PTCH1: variants seen among roughly 807,000 people sequenced by gnomAD.
PTCH1 encodes protein patched homolog 1.
In PTCH1, 14 loss-of-function variants were observed where a neutral mutation model predicts 144.6. That is an observed-to-expected ratio of 0.10 (90% CI 0.06 to 0.15). PTCH1 has a LOEUF of 0.15. Among genes scored for constraint, PTCH1 ranks in the 10% least tolerant of loss-of-function variants. The pLI is 1.00. For synonymous variants in PTCH1, 833 were observed against 793.6 expected (o/e 1.05, Z -0.83); for missense variants, 1,623 against 1,948.3 (o/e 0.83, Z 3.14).
At chr9:95,492,142 AC>A (rs1244092037) in intron 2 of PTCH1, among the ~76,000 whole-genome samples, 13 of 152,332 alleles carry the variant, frequency 8.5e-5, no homozygotes, top group African/African-American at 2.9e-4. Context: ...GTTTCTTCTC[AC>A]CTAAAAAAAT....
intron 16 of PTCH1, among the ~76,000 whole-genome samples, chr9:95,460,767 A>G (rs1398569302): frequency 6.6e-6 from 1 of 152,106 alleles, no homozygotes; most frequent in Non-Finnish European, 1.5e-5. Flanking sequence ...AGGAAATGGT[A>G]TCTGGGGGTC....
rs532605666 is a variant in PTCH1, at chr9:95,505,771, C to G, written c.394+636G>C. On this transcript the variant is annotated intron_variant, in intron 2 of 23. Transcript: ENST00000331920. ...ACTATTTTTTTTTCCACTCCTTCCA[C>G]CCCCACCCCGCGTTTTTTGTACCTT... Among the ~76,000 whole-genome samples, 6 of 151,942 alleles carry G rather than the reference C, an allele frequency of 3.9e-5. No individual in the cohort carries two copies. In the South Asian group the frequency reaches 1.0e-3, roughly 26 times the overall value.
At chr9:95,509,288 A>G (rs955684138), upstream of PTCH1, among the ~76,000 whole-genome samples, 2 of 152,034 alleles carry the variant, frequency 1.3e-5, no homozygotes, top group Non-Finnish European at 1.5e-5. Context: ...GAGCGAGCGA[A>G]AGAGAAAAAG....
intron 14 of PTCH1, among the ~76,000 whole-genome samples, chr9:95,468,296 A>G (rs1564032191): frequency 6.6e-6 from 1 of 152,042 alleles, no homozygotes; most frequent in Non-Finnish European, 1.5e-5. Flanking sequence ...GGTTCAAGCA[A>G]TCCGCTGGCC....
At chr9:95,446,840 C>T (rs2136569740) in intron 23 of PTCH1, 71 bp downstream of exon 23, 1 of 1,598,688 alleles carries the variant, frequency 6.3e-7, no homozygotes, top group Admixed American at 1.7e-5. Flanking sequence ...ATGCCGAGAA[C>T]CCCAGGAGAA....
intron 1 of PTCH1, chr9:95,507,380 C>G (rs1441289164): frequency 1.0e-6 from 1 of 985,336 alleles, no homozygotes; most frequent in East Asian, 1.1e-4. Context: ...CGGCGCTGGC[C>G]GCGGCCCCGG....
chr9:95,470,116 T>A (rs1315476444), intron 12 of PTCH1, among the ~76,000 whole-genome samples, 185 bp from the exon 13 acceptor site: 1 of 152,240 alleles, frequency 6.6e-6, no homozygotes, highest in Admixed American at 6.5e-5. Context: ...ATAGGAATAG[T>A]CTTGACTGTT....
At chr9:95,474,158 G>C (rs759679467) in intron 12 of PTCH1, 1 of 425,372 alleles carries the variant, frequency 2.4e-6, no homozygotes, top group Non-Finnish European at 4.7e-6. Flanking sequence ...GAGAGGAGAG[G>C]AGAGAATGAG....
intron 2 of PTCH1, chr9:95,494,390 G>A: frequency 1.0e-6 from 1 of 985,504 alleles, no homozygotes; most frequent in Non-Finnish European, 1.2e-6. Context: ...TCTGCCAGGA[G>A]GCCCCTTCTT....
chr9:95,488,790 T>C (rs1202392911), intron 2 of PTCH1, among the ~76,000 whole-genome samples: 1 of 152,130 alleles, frequency 6.6e-6, no homozygotes, highest in Non-Finnish European at 1.5e-5. Flanking sequence ...TGATGCCATG[T>C]TGGGTAGTGG....
intron 2 of PTCH1, among the ~76,000 whole-genome samples, chr9:95,504,910 G>C (rs1314883543): frequency 1.3e-5 from 2 of 152,154 alleles, no homozygotes; most frequent in Non-Finnish European, 2.9e-5. Flanking sequence ...GGACATCATA[G>C]GTGCTCAAGA....
intron 2 of PTCH1, among the ~76,000 whole-genome samples, chr9:95,489,138 G>A (rs1466831622): frequency 1.3e-5 from 2 of 152,204 alleles, no homozygotes; most frequent in East Asian, 1.9e-4. Context: ...AAACCCTTCA[G>A]GATAGAGCAA....
At chr9:95,507,942 C>T in intron 1 of PTCH1, 6 of 1,454,410 alleles carry the variant, frequency 4.1e-6, no homozygotes, top group East Asian at 5.2e-5. Context: ...ACCTCCACCC[C>T]CTGCGGACCT....
chr9:95,465,206 C>G (rs969004764), intron 15 of PTCH1, among the ~76,000 whole-genome samples: 6 of 152,144 alleles, frequency 3.9e-5, no homozygotes, highest in African/African-American at 1.4e-4. Context: ...CCCCCTTTAC[C>G]CCCTTCCCAA....
At chr9:95,496,716 TATC>T (rs1419767096) in intron 2 of PTCH1, among the ~76,000 whole-genome samples, 1 of 152,162 alleles carries the variant, frequency 6.6e-6, no homozygotes, top group Non-Finnish European at 1.5e-5. Flanking sequence ...AAAATGATGG[TATC>T]ATATTTATCA....
rs58989502 is a variant in PTCH1 at position 95,474,115 on chromosome 9, A to G, written c.1728+1919T>C. The G allele has an allele frequency of 5.8e-3, 2,913 of 499,340 alleles. 52 individuals carry two copies. The highest frequency in any genetic ancestry group is 0.044 in the African/African-American group (2,248 of 51,416). The allele number at this position is 499,340 out of a possible 1,614,324, so 30.9% of individuals were successfully genotyped here. A position where few individuals can be genotyped will look rare whatever the true frequency, so the allele number is the denominator to read the frequency against. On this transcript the variant is annotated intron_variant, in intron 12 of 23. Coordinates refer to ENST00000331920, the MANE Select transcript of PTCH1 (RefSeq NM_000264.5). The stretch of plus-strand genomic sequence containing the variant: ...ACACCACAGGGTATCATTAAAGGAG[A>G]GTCGGCCTCGATGAGCCATCAGTAT...
intron 2 of PTCH1, among the ~76,000 whole-genome samples, chr9:95,487,087 G>A (rs1842030823): frequency 6.6e-6 from 1 of 152,180 alleles, no homozygotes; most frequent in African/African-American, 2.4e-5. Flanking sequence ...TAAGGACTGG[G>A]AACAGCGGGT....
At chr9:95,501,956 G>T (rs893533988) in intron 2 of PTCH1, among the ~76,000 whole-genome samples, 1 of 152,158 alleles carries the variant, frequency 6.6e-6, no homozygotes, top group Non-Finnish European at 1.5e-5. Flanking sequence ...AGGCCAACAC[G>T]TGAGCACACT....
intron 2 of PTCH1, among the ~76,000 whole-genome samples, chr9:95,504,774 T>A (rs570650229): frequency 2.6e-5 from 4 of 152,108 alleles, no homozygotes; most frequent in East Asian, 1.9e-4. Flanking sequence ...ACCACCCTCT[T>A]GTAACTTTCA....
Sources: allele counts gnomAD v4.1 joint callset (sites outside exome capture counted in the v4.1 genomes callset), GRCh38; gene constraint gnomAD v4.1.1; transcripts MANE v1.5; gene names NCBI Gene and HGNC (gene_info 2026-07-23, HGNC 2026-07-21).